Variants in EPB41L1 observed in about 807,000 individuals in gnomAD.
The protein encoded by EPB41L1 is band 4.1-like protein 1.
Under a neutral mutation model 97.8 loss-of-function variants are expected in EPB41L1, and 29 were observed. The ratio of observed to expected loss-of-function variants is 0.30; its 90% CI spans 0.22 to 0.40. The LOEUF is 0.40. Ranked by LOEUF, EPB41L1 falls within the 10% of genes least tolerant of loss-of-function variation. EPB41L1 has a pLI of 1.00. For synonymous variants in EPB41L1, 383 were observed against 459.2 expected (o/e 0.83, Z 2.12); for missense variants, 812 against 1,162.3 (o/e 0.70, Z 4.38).
At chr20:36,162,190 A>G (rs73618571) in intron 1 of EPB41L1, among the ~76,000 whole-genome samples, 52 of 152,370 alleles carry the variant, frequency 3.4e-4, no homozygotes, top group East Asian at 2.9e-3. Context: ...TCATAAGCCC[A>G]TGTCTGTAAC....
intron 18 of EPB41L1, 158 bp from the exon 19 acceptor site, chr20:36,219,603 T>A (rs1323531406): frequency 1.5e-6 from 1 of 678,370 alleles, no homozygotes; most frequent in Non-Finnish European, 2.7e-6. Flanking sequence ...GGGTCTAGTT[T>A]TCTGAAGATT....
chr20:36,175,899 T>C (rs1000366340), intron 3 of EPB41L1, among the ~76,000 whole-genome samples, 184 bp downstream of exon 3: 5 of 150,834 alleles, frequency 3.3e-5, no homozygotes, highest in Admixed American at 2.0e-4. Context: ...CTGGAGAGAG[T>C]GGTTATGATT....
intron 1 of EPB41L1, among the ~76,000 whole-genome samples, chr20:36,104,860 C>T (rs985595708): frequency 1.3e-5 from 2 of 152,132 alleles, no homozygotes; most frequent in East Asian, 1.9e-4. Context: ...TGGCCTCGCG[C>T]GCTCTGGATG....
At chr20:36,111,756 C>T (rs2058409779) in intron 1 of EPB41L1, among the ~76,000 whole-genome samples, 2 of 140,572 alleles carry the variant, frequency 1.4e-5, no homozygotes, top group South Asian at 2.2e-4. Flanking sequence ...CATTGCACTC[C>T]AGCCTGGGCG....
intron 1 of EPB41L1, among the ~76,000 whole-genome samples, chr20:36,106,243 C>T (rs1317670016): frequency 6.6e-6 from 1 of 152,238 alleles, no homozygotes; most frequent in African/African-American, 2.4e-5. Flanking sequence ...TGCCGTTCCG[C>T]TCTCCTTCCC....
rs1338283275 is a variant in EPB41L1 at position 36,188,477 on chromosome 20, A to G, written c.1004A>G (p.Tyr335Cys). The change falls in exon 9 of 22, where the codon TAT becomes TGT. Residue 335 changes from tyrosine (Y) to cysteine (C), a missense_variant. This residue lies in a region of EPB41L1 where 230 missense variants were observed against 445.2 expected (regional missense o/e 0.52). Transcript: ENST00000338074. ...ATCTCCTACAAGAGGAGTAACTTCT[A>G]TATCAAGATCCGGCCTGGGGAGGTG... Reference protein sequence around the residue: ...LKISYKRSNFYIKIRPGEYEQ... With the variant: ...LKISYKRSNFCIKIRPGEYEQ... The G allele has an allele frequency of 1.2e-6, 2 of 1,613,796 alleles. No homozygotes were observed. Among genetic ancestry groups the G allele is most frequent in the Non-Finnish European group, 1.7e-6 (2 of 1,179,966 alleles).
intron 2 of EPB41L1, chr20:36,121,620 G>A (rs1039609876): frequency 1.3e-5 from 2 of 152,220 alleles, no homozygotes; most frequent in Admixed American, 1.3e-4. Context: ...CTGATTCCAA[G>A]GTCCCTTCCT....
intron 11 of EPB41L1, among the ~76,000 whole-genome samples, chr20:36,193,359 T>C (rs1021501216): frequency 2.6e-5 from 4 of 152,228 alleles, no homozygotes; most frequent in Admixed American, 6.5e-5. Flanking sequence ...AAACGAAATA[T>C]ATGCATAAAT....
At chr20:36,172,259 A>C (rs947949126) in intron 1 of EPB41L1, among the ~76,000 whole-genome samples, 2 of 152,066 alleles carry the variant, frequency 1.3e-5, no homozygotes, top group African/African-American at 2.4e-5. Flanking sequence ...TTGTATTTTT[A>C]GTAGAGACGG....
rs147394179 is a variant in EPB41L1 at position 36,160,311 on chromosome 20, C to T, written c.-15+5415C>T. Among the ~76,000 whole-genome samples the T allele has an allele frequency of 3.9e-5, 6 of 152,296 alleles. No individual in the cohort carries two copies. The South Asian group carries it at 8.3e-4, about 21-fold the overall frequency. On this transcript the variant is annotated intron_variant, in intron 1 of 21. Coordinates refer to ENST00000338074, the MANE Select transcript of EPB41L1 (RefSeq NM_012156.2). Reference sequence around the variant, plus strand: ...ATAATTCAGAAGTGTAGGCCAGGCACGGTGGCTCATGCCTATAATCCCAGC... The same window carrying T: ...ATAATTCAGAAGTGTAGGCCAGGCATGGTGGCTCATGCCTATAATCCCAGC...
intron 2 of EPB41L1, among the ~76,000 whole-genome samples, chr20:36,120,115 A>T (rs1569052722): frequency 6.6e-6 from 1 of 152,232 alleles, no homozygotes; most frequent in Non-Finnish European, 1.5e-5. Context: ...AAGCGCTAAT[A>T]ACCATTAAAA....
At chr20:36,176,630 CTT>C (rs549487167) in intron 3 of EPB41L1, among the ~76,000 whole-genome samples, 12 of 136,742 alleles carry the variant, frequency 8.8e-5, no homozygotes, top group Non-Finnish European at 1.4e-4. Flanking sequence ...TCTTTTTTTT[CTT>C]TTTTTTTTTT....
rs2061098754 is a variant in EPB41L1 at position 36,173,753 on chromosome 20, T to A, written c.-14-11T>A. The A allele has an allele frequency of 2.5e-6, 4 of 1,613,876 alleles. No individual in the cohort carries two copies. Among genetic ancestry groups the A allele is most frequent in the Non-Finnish European group, 3.4e-6 (4 of 1,179,806 alleles). ...CCTCCCTGTCACATGATCTCCTTCA[T>A]GCCAATGCAGGCGTGCTGGTCACCA... On this transcript the variant is annotated splice_polypyrimidine_tract_variant and intron_variant, in intron 1 of 21. Coordinates refer to ENST00000338074, the MANE Select transcript of EPB41L1 (RefSeq NM_012156.2).
At chr20:36,098,337 A>G (rs568219328) in intron 1 of EPB41L1, among the ~76,000 whole-genome samples, 10 of 152,212 alleles carry the variant, frequency 6.6e-5, no homozygotes, top group Non-Finnish European at 1.5e-4. Context: ...GGGTGCTGTC[A>G]TGAAGCACGC....
intron 9 of EPB41L1, 66 bp downstream of exon 9, chr20:36,188,565 C>T: frequency 8.0e-7 from 1 of 1,255,248 alleles, no homozygotes. Context: ...ACCCTGGCAG[C>T]TGGGCCTGGA....
intron 17 of EPB41L1, 118 bp downstream of exon 17, chr20:36,214,558 C>A: frequency 1.2e-6 from 1 of 806,868 alleles, no homozygotes; most frequent in Non-Finnish European, 2.1e-6. Flanking sequence ...CTCGCTGCAT[C>A]AGGCATGGGA....
rs549327373 is a variant in EPB41L1, at chr20:36,137,003, C to T, written c.-10+24523C>T. On this transcript the variant is annotated intron_variant, in intron 2 of 19. Coordinates refer to the EPB41L1 transcript ENST00000202028. ...AAATGGTCCTCCCATCTCATCCTCC[C>T]AAGTAGCTGGGACTACACATGCATG... Among the ~76,000 whole-genome samples, 12 of 152,164 alleles carry T rather than the reference C, an allele frequency of 7.9e-5. No individual in the cohort carries two copies. The East Asian group carries it at 2.1e-3, about 27-fold the overall frequency.
At chr20:36,170,485 T>A (rs182930780) in intron 1 of EPB41L1, among the ~76,000 whole-genome samples, 8 of 152,322 alleles carry the variant, frequency 5.3e-5, no homozygotes, top group Non-Finnish European at 1.2e-4. Flanking sequence ...TTTTCCATGA[T>A]TTTTTACGTT....
chr20:36,175,306 G>A (rs1012535721), intron 2 of EPB41L1, among the ~76,000 whole-genome samples: 1 of 152,170 alleles, frequency 6.6e-6, no homozygotes, highest in African/African-American at 2.4e-5. Context: ...GATGCCTATG[G>A]CAGCAGTAGC....
Sources: gnomAD v4.1 joint callset for allele counts (sites outside exome capture counted in the v4.1 genomes callset) on GRCh38, gnomAD v4.1.1 for gene constraint, gnomAD v4.1.1 regional missense constraint, MANE v1.5 for transcripts, NCBI Gene and HGNC (gene_info 2026-07-23, HGNC 2026-07-21) for gene names.